PI4KA: variants seen among roughly 807,000 people sequenced by gnomAD.
PI4KA encodes the protein phosphatidylinositol 4-kinase alpha, also known as PI4-kinase alpha.
Under a neutral mutation model 271.4 loss-of-function variants are expected in PI4KA, and 122 were observed. That is an observed-to-expected ratio of 0.45 (90% CI 0.39 to 0.52). The LOEUF (loss-of-function observed/expected upper bound fraction) is 0.52. Ranked by LOEUF, PI4KA falls within the 20% of genes least tolerant of loss-of-function variation. The pLI is 0.00. For synonymous variants in PI4KA, 1,041 were observed against 1,078.8 expected, an observed-to-expected ratio of 0.96 and a Z score of 0.69; for missense variants, 1,969 against 2,769.1, an observed-to-expected ratio of 0.71 and a Z score of 6.48.
rs781645579 is a variant in PI4KA, at chr22:20,734,529, A to C, written c.3766T>G (p.Trp1256Gly). ...VPFMREMAGA[W>G]HMTVEQKFGL... ...AATTTCTGCTCCACCGTCATGTGCC[A>C]GGCCCCTGCCATCTCCCGCATGAAC... is the stretch of plus-strand genomic sequence containing the variant. Residue 1256 changes from tryptophan to glycine, a missense_variant, in exon 33 of 55, where the codon TGG (tryptophan) becomes GGG (glycine). Physicochemically the swap from Trp to Gly is radical, Grantham distance 184 (BLOSUM62 -2). This residue lies in a region of PI4KA where 203 missense variants were observed against 256.8 expected (regional missense o/e 0.79). Transcript: ENST00000255882. 6.2e-7 allele frequency: 1 copy of C among 1,613,900 alleles called. No individual in the cohort carries two copies. Among genetic ancestry groups the C allele is most frequent in the African/African-American group, 1.3e-5 (1 of 74,914 alleles).
intron 3 of PI4KA, among the ~76,000 whole-genome samples, chr22:20,825,970 G>A (rs1923354214): frequency 6.6e-6 from 1 of 152,168 alleles, no homozygotes; most frequent in Non-Finnish European, 1.5e-5. Context: ...TTACAAGTGA[G>A]AACATGCAGC....
chr22:20,809,906 C>T (rs994712949), intron 9 of PI4KA, among the ~76,000 whole-genome samples: 1 of 152,164 alleles, frequency 6.6e-6, no homozygotes, highest in Non-Finnish European at 1.5e-5. Flanking sequence ...CAGGAAGAGA[C>T]ATGGTCTACA....
chr22:20,784,892 GACAAGAAT>G (rs970411822), intron 19 of PI4KA, among the ~76,000 whole-genome samples: 2 of 152,044 alleles, frequency 1.3e-5, no homozygotes, highest in African/African-American at 2.4e-5. Flanking sequence ...CTCCTTATAG[GACAAGAAT>G]ACAAACATAT....
chr22:20,721,585 G>T, intron 42 of PI4KA, 167 bp from the exon 43 acceptor site: 2 of 665,752 alleles, frequency 3.0e-6, no homozygotes, highest in East Asian at 2.7e-5. Context: ...CCAGCCAGTG[G>T]CCAGGCCAAG....
intron 1 of PI4KA, among the ~76,000 whole-genome samples, chr22:20,842,630 T>C (rs1303156198): frequency 6.7e-6 from 1 of 149,284 alleles, no homozygotes; most frequent in Admixed American, 6.7e-5. Flanking sequence ...CTGGCCAACA[T>C]GGCAAAACTC....
At chr22:20,855,299 G>T (rs1051686279) in intron 1 of PI4KA, among the ~76,000 whole-genome samples, 1 of 151,774 alleles carries the variant, frequency 6.6e-6, no homozygotes, top group Non-Finnish European at 1.5e-5. Flanking sequence ...TAAGTTCAAG[G>T]GTACATGTGC....
intron 1 of PI4KA, among the ~76,000 whole-genome samples, chr22:20,840,844 T>A (rs1023960423): frequency 6.6e-6 from 1 of 152,058 alleles, no homozygotes; most frequent in African/African-American, 2.4e-5. Flanking sequence ...AGTAAGACCC[T>A]GTCCCTACAA....
intron 36 of PI4KA, among the ~76,000 whole-genome samples, chr22:20,731,831 AAGC>A (rs1208514920): frequency 6.6e-6 from 1 of 152,084 alleles, no homozygotes; most frequent in Non-Finnish European, 1.5e-5. Flanking sequence ...TGGGAGGCTG[AAGC>A]AGGAGAATGG....
At position 20,819,808 on chromosome 22, in the gene PI4KA, G is replaced by A; in HGVS notation, c.622C>T (p.Leu208Phe). The change falls in exon 6 of 55, where the codon CTC (leucine) becomes TTC (phenylalanine). Residue 208 changes from leucine to phenylalanine, a missense_variant. Physicochemically the swap from Leu to Phe is conservative, Grantham distance 22. This residue lies in a region of PI4KA where 540 missense variants were observed against 555.5 expected (regional missense o/e 0.97). Coordinates refer to ENST00000255882, the MANE Select transcript of PI4KA (RefSeq NM_058004.4). ...SNMEESLLSKLFPKIPPHSLR... is the reference protein window; with the variant it reads ...SNMEESLLSKFFPKIPPHSLR... ...GAATGAGGAGGGATTTTGGGAAAGA[G>A]CTTTGAGAGGAGAGACTCTTCCATG... 1 of 1,614,158 alleles carries A rather than the reference G, an allele frequency of 6.2e-7. No individual in the cohort carries two copies. The highest frequency in any genetic ancestry group is 1.6e-4 in the Middle Eastern group (1 of 6,062).
chr22:20,856,972 CATAAGAT>C (rs1478538967), intron 1 of PI4KA, among the ~76,000 whole-genome samples: 2 of 152,174 alleles, frequency 1.3e-5, no homozygotes, highest in Non-Finnish European at 2.9e-5. Context: ...AGCAATCAGT[CATAAGAT>C]ATATTTGTTG....
intron 19 of PI4KA, chr22:20,787,223 G>A (rs1180540960): frequency 1.4e-6 from 1 of 706,314 alleles, no homozygotes; most frequent in East Asian, 2.7e-5. Context: ...CGACCAAGAA[G>A]AGAGGCTTGT....
chr22:20,713,101 G>C (rs1925525025), intron 48 of PI4KA, 180 bp downstream of exon 48: 11 of 697,240 alleles, frequency 1.6e-5, no homozygotes, highest in Non-Finnish European at 2.7e-5. Context: ...GTGGGAAAGG[G>C]GCTGGAAGGA....
rs734876 is a variant in PI4KA, at chr22:20,713,434, G to A, written c.5462-44C>T. On this transcript the variant is annotated intron_variant, in intron 47 of 54. Coordinates refer to ENST00000255882, the MANE Select transcript of PI4KA (RefSeq NM_058004.4). ...GCCGCTGTTAGCCTGTAGGCAGTGA[G>A]AAGCCCTCTGAGGGGGCCAGGGATG... 41,897 of 1,290,596 alleles carry A rather than the reference G, an allele frequency of 0.032. No individual in the cohort carries two copies. Among genetic ancestry groups the A allele is most frequent in the East Asian group, 0.15 (3,675 of 25,118 alleles). The allele number at this position is 1,290,596 out of a possible 1,614,324, so 79.9% of individuals were successfully genotyped here. A position where few individuals can be genotyped will look rare whatever the true frequency, so the allele number is the denominator to read the frequency against.
chr22:20,843,006 G>A (rs536166126), intron 1 of PI4KA, among the ~76,000 whole-genome samples: 3 of 150,362 alleles, frequency 2.0e-5, no homozygotes, highest in African/African-American at 7.4e-5. Context: ...GCTGAGGCAG[G>A]AGAATGGCGT....
intron 29 of PI4KA, 45 bp from the exon 30 acceptor site, chr22:20,744,765 T>C: frequency 6.8e-7 from 1 of 1,466,940 alleles, no homozygotes; most frequent in South Asian, 1.1e-5. Context: ...AGCACTATCC[T>C]TTCCTCGTGT....
chr22:20,770,320 C>G (rs1047947391), intron 19 of PI4KA, among the ~76,000 whole-genome samples: 1 of 151,458 alleles, frequency 6.6e-6, no homozygotes, highest in Non-Finnish European at 1.5e-5. Context: ...CAAGACCAGC[C>G]TGGGCAACAT....
chr22:20,851,354 T>G lies in PI4KA; in HGVS notation c.156+7216A>C, dbSNP rs991925491. Among the ~76,000 whole-genome samples the G allele has an allele frequency of 2.2e-4, 34 of 151,502 alleles. 1 individual carries two copies. The highest frequency in any genetic ancestry group is 1.5e-4 in the Non-Finnish European group (10 of 67,642). On this transcript the variant is annotated intron_variant, in intron 1 of 54. Transcript: ENST00000255882. ...GGTTTTTTTTGTTGTTGTTGTTGTT[T>G]TTTGTGTGACGGAGTCTTGCTCTGT... is the stretch of plus-strand genomic sequence containing the variant.
At chr22:20,757,730 G>A (rs1273611792) in intron 23 of PI4KA, among the ~76,000 whole-genome samples, 2 of 152,096 alleles carry the variant, frequency 1.3e-5, no homozygotes, top group African/African-American at 4.8e-5. Flanking sequence ...TTTTAGTAGA[G>A]ATGGGGTTTC....
intron 23 of PI4KA, among the ~76,000 whole-genome samples, chr22:20,754,140 G>A (rs977781858): frequency 6.6e-6 from 1 of 152,080 alleles, no homozygotes; most frequent in Admixed American, 6.5e-5. Context: ...AGTCTGGAGT[G>A]CAATGGTGAG....
Sources: allele counts gnomAD v4.1 joint callset (sites outside exome capture counted in the v4.1 genomes callset), GRCh38; gene constraint gnomAD v4.1.1; regional missense constraint gnomAD v4.1.1; transcripts MANE v1.5; gene names NCBI Gene and HGNC (gene_info 2026-07-23, HGNC 2026-07-21).